Variants in RIT2 observed in about 807,000 individuals in gnomAD.
RIT2 encodes Ras like without CAAX 2, also known as GTP-binding protein Rit2.
A neutral mutation model predicts 23.7 loss-of-function variants in RIT2; 24 were observed. The ratio of observed to expected loss-of-function variants is 1.01; its 90% CI spans 0.73 to 1.43. The LOEUF (loss-of-function observed/expected upper bound fraction) is 1.43. Ranked by LOEUF, RIT2 falls within the 40% of genes most tolerant of loss-of-function variation. The pLI is 0.00. For missense variants in RIT2, 236 were observed against 266.9 expected, an observed-to-expected ratio of 0.88 and a Z score of 0.81; for synonymous variants, 107 against 91.1, an observed-to-expected ratio of 1.17 and a Z score of -0.99.
chr18:42,816,673 C>T (rs968309485), intron 4 of RIT2, among the ~76,000 whole-genome samples: 7 of 152,064 alleles, frequency 4.6e-5, no homozygotes, highest in African/African-American at 1.7e-4. Flanking sequence ...CAAGGCAAGG[C>T]CCTATGACTA....
chr18:43,067,799 G>A (rs1359068235), intron 1 of RIT2, among the ~76,000 whole-genome samples: 1 of 152,020 alleles, frequency 6.6e-6, no homozygotes, highest in African/African-American at 2.4e-5. Flanking sequence ...GCATAATGAG[G>A]TATGTCTGAC....
At chr18:42,873,975 T>C (rs1378172853) in intron 4 of RIT2, among the ~76,000 whole-genome samples, 2 of 152,076 alleles carry the variant, frequency 1.3e-5, no homozygotes, top group Non-Finnish European at 2.9e-5. Flanking sequence ...TTCCTGAGTT[T>C]AACTTGGAGA....
intron 4 of RIT2, among the ~76,000 whole-genome samples, chr18:42,889,642 C>T (rs1333102256): frequency 2.0e-5 from 3 of 151,842 alleles, no homozygotes; most frequent in African/African-American, 7.3e-5. Context: ...AGCAAATATG[C>T]CTTAAAGCTA....
intron 3 of RIT2, among the ~76,000 whole-genome samples, chr18:42,953,168 A>G (rs1453398188): frequency 6.6e-6 from 1 of 152,044 alleles, no homozygotes; most frequent in African/African-American, 2.4e-5. Context: ...GATCATGCAA[A>G]TTTTAGTATT....
intron 1 of RIT2, among the ~76,000 whole-genome samples, chr18:43,105,511 A>T (rs1311929851): frequency 8.6e-6 from 1 of 116,456 alleles, no homozygotes; most frequent in South Asian, 3.1e-4. Context: ...GGAGGGAGGG[A>T]GGGAGGGAAT....
intron 4 of RIT2, among the ~76,000 whole-genome samples, chr18:42,886,949 C>T (rs1908038978): frequency 6.6e-6 from 1 of 152,036 alleles, no homozygotes; most frequent in African/African-American, 2.4e-5. Context: ...GAGTTGAAGT[C>T]CCAGGTCAGG....
At chr18:42,766,835 C>A (rs773179726) in intron 4 of RIT2, among the ~76,000 whole-genome samples, 3 of 152,170 alleles carry the variant, frequency 2.0e-5, no homozygotes, top group Non-Finnish European at 4.4e-5. Flanking sequence ...CTGCCCCAGC[C>A]GTGGCTGAAA....
intron 4 of RIT2, among the ~76,000 whole-genome samples, chr18:42,813,539 C>G (rs1321401374): frequency 6.6e-6 from 1 of 151,950 alleles, no homozygotes; most frequent in Non-Finnish European, 1.5e-5. Flanking sequence ...TTCAATATAT[C>G]AAAAACAGCC....
chr18:42,847,527 G>T (rs535652570), intron 4 of RIT2, among the ~76,000 whole-genome samples: 2 of 152,034 alleles, frequency 1.3e-5, no homozygotes, highest in South Asian at 2.1e-4. Context: ...AAAATTGTAG[G>T]TAGTGCATTT....
intron 4 of RIT2, among the ~76,000 whole-genome samples, chr18:42,791,858 A>T (rs1188965334): frequency 6.6e-6 from 1 of 152,226 alleles, no homozygotes; most frequent in Non-Finnish European, 1.5e-5. Context: ...ATTTGACTCC[A>T]GCATGACCAG....
intron 4 of RIT2, among the ~76,000 whole-genome samples, chr18:42,880,899 C>G (rs1469819890): frequency 2.6e-5 from 4 of 151,336 alleles, no homozygotes; most frequent in African/African-American, 9.7e-5. Context: ...CCTCCACCTC[C>G]CGGGTTCCAG....
chr18:42,972,576 A>G (rs917428328), intron 3 of RIT2, among the ~76,000 whole-genome samples: 2 of 151,938 alleles, frequency 1.3e-5, no homozygotes, highest in Admixed American at 1.3e-4. Context: ...GAACTCTAAT[A>G]GAACATGAAT....
At chr18:42,980,446 A>C (rs1910573285) in intron 2 of RIT2, among the ~76,000 whole-genome samples, 1 of 152,060 alleles carries the variant, frequency 6.6e-6, no homozygotes, top group Admixed American at 6.6e-5. Flanking sequence ...CCCTAGTATC[A>C]GAGGGATGCT....
In RIT2 at chr18:42,879,902, A is replaced by C. The variant is rs553627637; in HGVS notation, c.426+43670T>G. ...ATCTCAATGTATTTATAGGTATTAC[A>C]TGCTCATAGGCTACTAATTTTCTTC... On this transcript the variant is annotated intron_variant, in intron 4 of 4. Transcript: ENST00000326695. 9.1e-4 allele frequency among the ~76,000 whole-genome samples: 139 copies of C among 152,328 alleles called. 1 individual carries two copies. The highest frequency in any genetic ancestry group is 1.8e-3 in the Non-Finnish European group (121 of 68,032).
intron 3 of RIT2, among the ~76,000 whole-genome samples, chr18:42,956,708 G>A (rs972709263): frequency 5.9e-5 from 9 of 151,606 alleles, no homozygotes; most frequent in Non-Finnish European, 7.4e-5. Context: ...GTGTTGTCTC[G>A]GTTATTACTC....
At chr18:43,004,131 T>G (rs532653623) in intron 2 of RIT2, among the ~76,000 whole-genome samples, 2 of 151,968 alleles carry the variant, frequency 1.3e-5, no homozygotes, top group African/African-American at 4.8e-5. Flanking sequence ...CTGCTTAAAA[T>G]GTTGTGTATT....
chr18:42,957,412 C>A (rs1392832109), intron 3 of RIT2, among the ~76,000 whole-genome samples: 2 of 152,158 alleles, frequency 1.3e-5, no homozygotes, highest in East Asian at 3.9e-4. Context: ...AGAGCTGAGA[C>A]TCATGGTTAA....
chr18:43,065,695 A>G (rs1912755845), intron 1 of RIT2, among the ~76,000 whole-genome samples: 1 of 152,154 alleles, frequency 6.6e-6, no homozygotes, highest in Non-Finnish European at 1.5e-5. Flanking sequence ...CCTGCATGCT[A>G]TTGAAAATTG....
intron 4 of RIT2, among the ~76,000 whole-genome samples, chr18:42,870,094 G>C (rs991718103): frequency 1.9e-4 from 29 of 152,138 alleles, no homozygotes; most frequent in African/African-American, 7.0e-4. Flanking sequence ...CTGGACATTG[G>C]TCTAGAGAGT....
Sources: allele counts gnomAD v4.1 joint callset (sites outside exome capture counted in the v4.1 genomes callset), GRCh38; gene constraint gnomAD v4.1.1; transcripts MANE v1.5; gene names NCBI Gene and HGNC (gene_info 2026-07-23, HGNC 2026-07-21).